The following MIB1 variants were observed in gnomAD, a reference collection of about 807,000 sequenced individuals.
MIB1 encodes the protein E3 ubiquitin-protein ligase MIB1.
MIB1 carries 278 observed loss-of-function variants against 124.5 expected under a neutral mutation model. The observed-to-expected ratio is 2.23, with a 90% CI of 2.02 to 2.47. MIB1 has a LOEUF of 2.47. Ranked by LOEUF, MIB1 falls within the 30% of genes most tolerant of loss-of-function variation. The pLI is 0.00. For missense variants in MIB1, 957 were observed against 1,254.4 expected (o/e 0.76, Z 3.58); for synonymous variants, 446 against 429.4 (o/e 1.04, Z -0.48).
chr18:21,850,129 A>G (rs2042168805), intron 17 of MIB1, among the ~76,000 whole-genome samples: 1 of 152,138 alleles, frequency 6.6e-6, no homozygotes, highest in South Asian at 2.1e-4. Flanking sequence ...TTTGAGAAGT[A>G]TAGTTCTTTT....
chr18:21,821,405 A>G (rs557274448), intron 12 of MIB1, among the ~76,000 whole-genome samples: 2 of 152,056 alleles, frequency 1.3e-5, no homozygotes, highest in East Asian at 1.9e-4. Flanking sequence ...CGCTTTGCCC[A>G]TCGTCTATTC....
intron 1 of MIB1, among the ~76,000 whole-genome samples, chr18:21,723,437 A>G (rs1177635455): frequency 6.6e-6 from 1 of 152,182 alleles, no homozygotes; most frequent in Non-Finnish European, 1.5e-5. Context: ...GCTACTGGAT[A>G]TCACTGCTTT....
chr18:21,818,929 G>T (rs549184614), intron 11 of MIB1, among the ~76,000 whole-genome samples: 1 of 151,752 alleles, frequency 6.6e-6, no homozygotes, highest in South Asian at 2.1e-4. Context: ...AGCGAAACTT[G>T]GTCTCAAAAA....
chr18:21,720,334 C>T (rs958796008), intron 1 of MIB1, among the ~76,000 whole-genome samples: 16 of 152,108 alleles, frequency 1.1e-4, no homozygotes, highest in Non-Finnish European at 2.2e-4. Context: ...GACAATTCTC[C>T]GAATCAATCT....
intron 9 of MIB1, among the ~76,000 whole-genome samples, chr18:21,801,183 G>A (rs949855174): frequency 3.3e-5 from 5 of 151,994 alleles, no homozygotes; most frequent in Non-Finnish European, 7.4e-5. Context: ...TAACATACCA[G>A]TATACCTCTG....
intron 4 of MIB1, among the ~76,000 whole-genome samples, chr18:21,775,787 A>G (rs2041278338): frequency 6.6e-6 from 1 of 152,254 alleles, no homozygotes; most frequent in African/African-American, 2.4e-5. Flanking sequence ...ATGGCCGAGT[A>G]TGTTGTTGTG....
At chr18:21,712,720 T>C (rs1462507838) in intron 1 of MIB1, among the ~76,000 whole-genome samples, 1 of 152,156 alleles carries the variant, frequency 6.6e-6, no homozygotes, top group Non-Finnish European at 1.5e-5. Context: ...AACTTCAGCC[T>C]TGTGAGCCCC....
At chr18:21,779,307 T>C (rs1041147146) in intron 5 of MIB1, among the ~76,000 whole-genome samples, 174 bp from the exon 6 acceptor site, 3 of 152,188 alleles carry the variant, frequency 2.0e-5, no homozygotes, top group African/African-American at 7.2e-5. Flanking sequence ...TTTTTTCTTT[T>C]TTTAAAAAAA....
At position 21,797,230 on chromosome 18, in the gene MIB1, A is replaced by G. The variant is rs550634539; in HGVS notation, c.1093-854A>G. ...ACTGGAGGAGAGAATGGGTAGGGGA[A>G]TAAAGGAAACAAGATTAGCCATGAG... On this transcript the variant is annotated intron_variant, in intron 7 of 20. Coordinates refer to ENST00000261537, the MANE Select transcript of MIB1 (RefSeq NM_020774.4). 2.0e-5 allele frequency among the ~76,000 whole-genome samples: 3 copies of G among 152,248 alleles called. No individual in the cohort carries two copies. In the East Asian group the frequency reaches 5.8e-4, roughly 29 times the overall value.
intron 12 of MIB1, 106 bp from the exon 13 acceptor site, chr18:21,838,259 A>G (rs1201291778): frequency 8.8e-6 from 6 of 685,666 alleles, no homozygotes; most frequent in Non-Finnish European, 1.4e-5. Flanking sequence ...TTTGTCTCTA[A>G]GAGCATTTTT....
chr18:21,769,337 C>G (rs1047238783), intron 3 of MIB1, among the ~76,000 whole-genome samples: 1 of 152,136 alleles, frequency 6.6e-6, no homozygotes, highest in Non-Finnish European at 1.5e-5. Context: ...TCCAAATAAG[C>G]CAAGTACACT....
intron 3 of MIB1, among the ~76,000 whole-genome samples, chr18:21,772,199 A>G (rs948477320): frequency 1.3e-5 from 2 of 152,222 alleles, no homozygotes; most frequent in African/African-American, 2.4e-5. Flanking sequence ...TGGTCATTAT[A>G]TATCTTATTT....
At chr18:21,710,937 CTG>C (rs2040663019) in intron 1 of MIB1, among the ~76,000 whole-genome samples, 1 of 151,064 alleles carries the variant, frequency 6.6e-6, no homozygotes, top group Non-Finnish European at 1.5e-5. Context: ...AGCAATTCTC[CTG>C]CATCAGCCTC....
At chr18:21,821,515 C>A (rs987724474) in intron 12 of MIB1, among the ~76,000 whole-genome samples, 4 of 151,998 alleles carry the variant, frequency 2.6e-5, no homozygotes, top group African/African-American at 4.8e-5. Context: ...AACCGTCTTT[C>A]TTCCAGAGCT....
At chr18:21,715,326 C>T (rs949819368) in intron 1 of MIB1, among the ~76,000 whole-genome samples, 17 of 152,302 alleles carry the variant, frequency 1.1e-4, no homozygotes, top group African/African-American at 3.6e-4. Flanking sequence ...AGTACTACAT[C>T]AAGGGAACAC....
Position 21,805,900 on chromosome 18 carries a change from CTTTTTTTTTTTTT to C in MIB1, c.1479+1895_1479+1907del, listed in dbSNP as rs35904303. 3.8e-5 allele frequency among the ~76,000 whole-genome samples: 4 copies of C among 105,112 alleles called. No homozygotes were observed. The Admixed American group carries it at 4.3e-4, about 11-fold the overall frequency. 69.0% of individuals were successfully genotyped at this position (105,112 alleles called of 152,430 possible). On this transcript the variant is annotated intron_variant, in intron 10 of 20. Coordinates refer to ENST00000261537, the MANE Select transcript of MIB1 (RefSeq NM_020774.4). ...TTTCAAGAGTAATTTTCTTTCTTTC[CTTTTTTTTTTTTT>C]TTTTTTTTGAGACAGAGTCTCCCCC...
At chr18:21,719,571 G>A (rs902277886) in intron 1 of MIB1, among the ~76,000 whole-genome samples, 6 of 151,662 alleles carry the variant, frequency 4.0e-5, no homozygotes, top group East Asian at 1.9e-4. Flanking sequence ...CTCAGCCTCC[G>A]GAGTACCTGG....
chr18:21,853,283 T>C, intron 18 of MIB1, 65 bp downstream of exon 18: 1 of 1,230,094 alleles, frequency 8.1e-7, no homozygotes, highest in East Asian at 2.4e-5. Context: ...AAAAATTATG[T>C]TTTTGAGGGT....
At chr18:21,760,412 T>G (rs1045173005) in intron 1 of MIB1, among the ~76,000 whole-genome samples, 3 of 152,244 alleles carry the variant, frequency 2.0e-5, no homozygotes, top group Non-Finnish European at 4.4e-5. Flanking sequence ...TTAAAAATTC[T>G]GTAGTGCTCA....
Sources: allele counts gnomAD v4.1 joint callset (sites outside exome capture counted in the v4.1 genomes callset), GRCh38; gene constraint gnomAD v4.1.1; transcripts MANE v1.5; gene names NCBI Gene and HGNC (gene_info 2026-07-23, HGNC 2026-07-21).